Variants in DCTN1 observed in about 807,000 individuals in gnomAD.
DCTN1 encodes the protein dynactin subunit 1.
Under a neutral mutation model 161.2 loss-of-function variants are expected in DCTN1, and 61 were observed. The ratio of observed to expected loss-of-function variants is 0.38; its 90% CI spans 0.31 to 0.47. DCTN1 has a LOEUF of 0.47. DCTN1 is among the 20% of genes least tolerant of loss of function. The probability of loss-of-function intolerance (pLI) is 0.99; values close to 1 mark genes in which losing one functional copy is unlikely to be tolerated. For missense variants in DCTN1, 1,404 were observed against 1,623.7 expected (o/e 0.86, Z 2.33); for synonymous variants, 653 against 632.4 (o/e 1.03, Z -0.49).
intron 17 of DCTN1, 52 bp downstream of exon 17, chr2:74,367,919 C>T: frequency 1.9e-6 from 3 of 1,614,222 alleles, no homozygotes; most frequent in Non-Finnish European, 2.5e-6. Flanking sequence ...AATCTCAGTT[C>T]TGGCCAATCC....
At chr2:74,388,196 CAAAAACAAAA>C (rs776224626) in intron 1 of DCTN1, among the ~76,000 whole-genome samples, 13 of 100,506 alleles carry the variant, frequency 1.3e-4, no homozygotes, top group African/African-American at 1.9e-4. Context: ...GACTGTATCT[CAAAAACAAAA>C]CAAAACAAAA....
At chr2:74,385,230 C>T (rs1573187422), upstream of DCTN1, 1 of 152,250 alleles carries the variant, frequency 6.6e-6, no homozygotes, top group East Asian at 1.9e-4. Context: ...CCAGGCCCAC[C>T]TCCAAGGGCC....
At chr2:74,362,625 G>T (rs751178871) in intron 30 of DCTN1, 25 bp downstream of exon 30, 2 of 1,611,208 alleles carry the variant, frequency 1.2e-6, no homozygotes, top group Non-Finnish European at 1.7e-6. Flanking sequence ...TGTGAAGTGA[G>T]CTCTGCCTGG....
chr2:74,372,786 AC>A, intron 7 of DCTN1, 141 bp downstream of exon 7: 3 of 894,574 alleles, frequency 3.4e-6, no homozygotes, highest in Non-Finnish European at 3.7e-6. Flanking sequence ...AGCACTGCGA[AC>A]CCCCACCCTT....
rs904222027 is a variant in DCTN1, at chr2:74,368,477, A to C, written c.1854+251T>G. The C allele has an allele frequency of 1.1e-5, 7 of 639,998 alleles. No individual in the cohort carries two copies. In the African/African-American group the frequency reaches 1.3e-4, roughly 12 times the overall value. 39.6% of individuals were successfully genotyped at this position (639,998 alleles called of 1,614,324 possible). A position where few individuals can be genotyped will look rare whatever the true frequency, so the allele number is the denominator to read the frequency against. ...CCTAGGCACCTCCTGGCCCTCAGAC[A>C]ATGTTATTCCCTCAGTCACACCCTG... On this transcript the variant is annotated intron_variant, in intron 16 of 31. Transcript: ENST00000628224.
In DCTN1 at chr2:74,362,047, C is replaced by G. The variant is rs1674037698; in HGVS notation, c.3699+5G>C. 6.2e-7 allele frequency: 1 copy of G among 1,613,520 alleles called. No individual in the cohort carries two copies. Among genetic ancestry groups the G allele is most frequent in the Non-Finnish European group, 8.5e-7 (1 of 1,179,632 alleles). On this transcript the variant is annotated splice_donor_5th_base_variant and intron_variant, in intron 31 of 31. Coordinates refer to ENST00000628224, the MANE Select transcript of DCTN1 (RefSeq NM_004082.5). ...TCCCATCCTCCACCCCATGCTCCCC[C>G]TCACCCTGAGGAAGGCTGATGAAGG... is the stretch of plus-strand genomic sequence containing the variant.
At position 74,374,475 on chromosome 2, in the gene DCTN1, G is replaced by A. The variant is rs1447908882; in HGVS notation, c.415-135C>T. 2.0e-6 allele frequency: 3 copies of A among 1,533,108 alleles called. No homozygotes were observed. The Admixed American group carries it at 6.0e-5, about 30-fold the overall frequency. The allele number at this position is 1,533,108 out of a possible 1,614,324, so 95.0% of individuals were successfully genotyped here. ...AGACCGAACAGAGGGAAAGGCGGCG[G>A]AGACAGGAGATTAGTGCATCAAATC... On this transcript the variant is annotated intron_variant, in intron 5 of 31. Transcript: ENST00000628224.
chr2:74,377,518 G>GA, intron 3 of DCTN1, 52 bp from the exon 4 acceptor site: 1 of 1,561,094 alleles, frequency 6.4e-7, no homozygotes, highest in East Asian at 2.2e-5. Context: ...GAGGTAGGGG[G>GA]AGATATAATA....
Position 74,361,571 on chromosome 2 carries a change from A to G in DCTN1, c.3765T>C (p.Gly1255=). 6.2e-7 allele frequency: 1 copy of G among 1,613,936 alleles called. No individual in the cohort carries two copies. The highest frequency in any genetic ancestry group is 8.5e-7 in the Non-Finnish European group (1 of 1,179,986). ...MGKVTFSCAA[G]FGQRHRLVLT... ...GCACCAGCCGGTGTCGCTGTCCAAA[A>G]CCAGCCGCACATGAGAAGGTCACTT... Residue 1255 remains glycine, a synonymous_variant, in exon 32 of 32, where the codon GGT becomes GGC. Transcript: ENST00000628224.
At chr2:74,363,492 C>A in intron 27 of DCTN1, 65 bp from the exon 28 acceptor site, 1 of 1,602,742 alleles carries the variant, frequency 6.2e-7, no homozygotes, top group Non-Finnish European at 8.5e-7. Context: ...GGCTCCATTC[C>A]TACTCTTCCC....
Position 74,370,892 on chromosome 2 carries a change from G to A in DCTN1, c.844-67C>T. The stretch of plus-strand genomic sequence containing the variant: ...ATGCCCCAGGCCTTTCTCACAGTAT[G>A]TTCCAGGCTCCAGCTCCAGTCTAGT... On this transcript the variant is annotated intron_variant, in intron 9 of 31. Transcript: ENST00000628224. This position sits in a 1 kb window ranked among gnomAD's most constrained non-coding sequence, Gnocchi z 4.4. The A allele has an allele frequency of 2.5e-6, 4 of 1,613,102 alleles. No individual in the cohort carries two copies. In the South Asian group the frequency reaches 4.4e-5, roughly 18 times the overall value.
At chr2:74,367,888 T>C in intron 17 of DCTN1, 24 bp from the exon 18 acceptor site, 1 of 1,614,192 alleles carries the variant, frequency 6.2e-7, no homozygotes, top group South Asian at 1.1e-5. Flanking sequence ...AAGGGCACTG[T>C]GAGGCTAGAG....
At position 74,378,126 on chromosome 2, in the gene DCTN1, C is replaced by T. The variant is rs765144648; in HGVS notation, c.153G>A (p.Leu51=). ...CGCCTACCCATTTGCCAGTGGCAAA[C>T]AGTGTGGCTCCAACATAGGCCACAG... ...RGTVAYVGAT[L]FATGKWVGVI... is the part of the protein sequence containing the mutation. The change falls in exon 2 of 32, where the codon CTG becomes CTA. Residue 51 remains leucine, a synonymous_variant. Transcript: ENST00000628224. 1.9e-5 allele frequency: 30 copies of T among 1,614,166 alleles called. No homozygotes were observed. The highest frequency in any genetic ancestry group is 2.5e-5 in the Non-Finnish European group (29 of 1,180,066).
chr2:74,388,462 T>C (rs534186414), intron 1 of DCTN1, among the ~76,000 whole-genome samples: 1 of 152,232 alleles, frequency 6.6e-6, no homozygotes, highest in Non-Finnish European at 1.5e-5. Flanking sequence ...TTCCAGCCAC[T>C]TGGATCTATC....
intron 26 of DCTN1, chr2:74,364,151 G>C (rs1213910725): frequency 1.2e-5 from 2 of 172,102 alleles, no homozygotes; most frequent in Non-Finnish European, 2.5e-5. Flanking sequence ...GCTAATGTTT[G>C]TTTCAAGAGT....
At chr2:74,365,308 G>A (rs947825181) in intron 25 of DCTN1, 67 bp from the exon 26 acceptor site, 4 of 1,598,114 alleles carry the variant, frequency 2.5e-6, no homozygotes, top group Non-Finnish European at 2.6e-6. Context: ...ATTCAGTCCT[G>A]AGAGGTCCTT....
Position 74,369,065 on chromosome 2 carries a change from C to T in DCTN1, c.1701+33G>A. 1 of 1,607,352 alleles carries T rather than the reference C, an allele frequency of 6.2e-7. No homozygotes were observed. On this transcript the variant is annotated intron_variant, in intron 15 of 31. Transcript: ENST00000628224. The surrounding 1 kb of genome is among the most constrained non-coding windows in gnomAD (Gnocchi z 4.9). The stretch of plus-strand genomic sequence containing the variant: ...AGACCCCATACCAGTTCATCCCAGG[C>T]AGGGCTCCCTCAGACCCACACACTT...
intron 1 of DCTN1, chr2:74,385,474 G>T (rs753787006): frequency 6.6e-6 from 1 of 152,236 alleles, no homozygotes; most frequent in Non-Finnish European, 1.5e-5. Context: ...CTGAGCCTGC[G>T]CTCTAAAGAG....
At position 74,378,257 on chromosome 2, in the gene DCTN1, A is replaced by G; in HGVS notation, c.34-12T>C. The G allele has an allele frequency of 3.7e-6, 6 of 1,603,954 alleles. No individual in the cohort carries two copies. Among genetic ancestry groups the G allele is most frequent in the Non-Finnish European group, 5.1e-6 (6 of 1,179,984 alleles). On this transcript the variant is annotated splice_polypyrimidine_tract_variant and intron_variant, in intron 1 of 31. Coordinates refer to ENST00000628224, the MANE Select transcript of DCTN1 (RefSeq NM_004082.5). ...CTGCCGCTGGGCGTCTGAAAGACACAGGTAAACACAGACAGTTAGAGGCCT... is the reference window on the plus strand; with the variant it reads ...CTGCCGCTGGGCGTCTGAAAGACACGGGTAAACACAGACAGTTAGAGGCCT...
Sources: allele counts gnomAD v4.1 joint callset (sites outside exome capture counted in the v4.1 genomes callset), GRCh38; gene constraint gnomAD v4.1.1; non-coding constraint Gnocchi (gnomAD v3.1); transcripts MANE v1.5; gene names NCBI Gene and HGNC (gene_info 2026-07-23, HGNC 2026-07-21).